ADAMTS12: variants seen among roughly 807,000 people sequenced by gnomAD.
The protein encoded by ADAMTS12 is A disintegrin and metalloproteinase with thrombospondin motifs 12.
A neutral mutation model predicts 167.8 loss-of-function variants in ADAMTS12; 118 were observed. The observed-to-expected ratio is 0.70, with a 90% confidence interval of 0.61 to 0.82. The LOEUF (loss-of-function observed/expected upper bound fraction) is 0.82. Ranked by LOEUF, ADAMTS12 falls within the 40% of genes least tolerant of loss-of-function variation. The probability of loss-of-function intolerance (pLI) is 0.00; values close to 1 mark genes in which losing one functional copy is unlikely to be tolerated. For missense variants in ADAMTS12, 1,916 were observed against 1,998.8 expected (o/e 0.96, Z 0.79); for synonymous variants, 704 against 716.9 (o/e 0.98, Z 0.29).
chr5:33,767,641 T>C (rs971580158), intron 2 of ADAMTS12, among the ~76,000 whole-genome samples: 8 of 152,170 alleles, frequency 5.3e-5, no homozygotes, highest in African/African-American at 1.9e-4. Flanking sequence ...TTGGGAAGCA[T>C]GATTTTAATT....
intron 2 of ADAMTS12, among the ~76,000 whole-genome samples, chr5:33,797,471 A>G (rs1239683606): frequency 7.7e-6 from 1 of 129,700 alleles, no homozygotes; most frequent in Admixed American, 7.4e-5. Flanking sequence ...AATCTGAAAC[A>G]CAGGAGAAAG....
At chr5:33,527,454 A>G in intron 23 of ADAMTS12, 88 bp from the exon 24 acceptor site, 1 of 1,292,432 alleles carries the variant, frequency 7.7e-7, no homozygotes. Context: ...GTAAGACTTT[A>G]TATGTCTACC....
rs575609933 is a variant in ADAMTS12 at position 33,869,236 on chromosome 5, T to C, written c.489+11883A>G. Among the ~76,000 whole-genome samples the C allele has an allele frequency of 3.9e-5, 6 of 152,254 alleles. No homozygotes were observed. In the South Asian group the frequency reaches 1.0e-3, roughly 26 times the overall value. Reference sequence around the variant, plus strand: ...CATGGCTAAAAGGGTCCCAGACATATGTCAGGCCACTGCTCCAGAGGATGC... The same window carrying C: ...CATGGCTAAAAGGGTCCCAGACATACGTCAGGCCACTGCTCCAGAGGATGC... On this transcript the variant is annotated intron_variant, in intron 2 of 23. Coordinates refer to ENST00000504830, the MANE Select transcript of ADAMTS12 (RefSeq NM_030955.4).
rs143692550 is a variant in ADAMTS12 at position 33,631,108 on chromosome 5, T to TA, written c.1889-196_1889-195insT. ...CCAGGTGCTGAATCCAAGGATTATT[T>TA]TTCCTTTTTCAAAACAAGTTTCATA... On this transcript the variant is annotated intron_variant, in intron 12 of 23. Coordinates refer to ENST00000504830, the MANE Select transcript of ADAMTS12 (RefSeq NM_030955.4). Among the ~76,000 whole-genome samples, 479 of 152,284 alleles carry TA rather than the reference T, an allele frequency of 3.1e-3. 11 individuals carry two copies. In the East Asian group the frequency reaches 0.069, roughly 22 times the overall value.
chr5:33,657,714 G>A (rs1031686244), intron 7 of ADAMTS12, among the ~76,000 whole-genome samples: 4 of 152,066 alleles, frequency 2.6e-5, no homozygotes, highest in Admixed American at 6.6e-5. Flanking sequence ...TAAGTAAAAC[G>A]GGACTAACAG....
At chr5:33,570,496 A>C (rs396559) in intron 19 of ADAMTS12, among the ~76,000 whole-genome samples, 26,290 of 152,030 alleles carry the variant, frequency 0.17, 4,695 homozygotes, top group African/African-American at 0.43. Flanking sequence ...CAGCCAAACT[A>C]AGCTTCATAA....
At position 33,658,283 on chromosome 5, in the gene ADAMTS12, G is replaced by A. The variant is rs780970297; in HGVS notation, c.1091C>T (p.Ser364Phe). 6.2e-7 allele frequency: 1 copy of A among 1,613,708 alleles called. No homozygotes were observed. Among genetic ancestry groups the A allele is most frequent in the Non-Finnish European group, 8.5e-7 (1 of 1,179,704 alleles). Residue 364 changes from serine (S) to phenylalanine (F), a missense_variant, in exon 7 of 24, where the codon TCT (serine) becomes TTT (phenylalanine). By Grantham distance (155) the Ser-to-Phe change is radical. Transcript: ENST00000504830. ...FNRPCETLGL[S>F]HLSGMCQPHR... ...AGGCTGACACATTCCTGAAAGGTGA[G>A]ACAGGCCCAGGGTCTCGCAGGGGCG...
intron 20 of ADAMTS12, among the ~76,000 whole-genome samples, chr5:33,554,609 T>C (rs1470884316): frequency 1.3e-5 from 2 of 152,238 alleles, no homozygotes; most frequent in Non-Finnish European, 2.9e-5. Context: ...TCCTATAACA[T>C]ACAATTCTAG....
At chr5:33,826,645 T>C (rs1352879220) in intron 2 of ADAMTS12, among the ~76,000 whole-genome samples, 1 of 151,928 alleles carries the variant, frequency 6.6e-6, no homozygotes, top group Non-Finnish European at 1.5e-5. Flanking sequence ...GAAATATTCT[T>C]GATGAAAATG....
intron 22 of ADAMTS12, among the ~76,000 whole-genome samples, chr5:33,537,879 CGT>C (rs768732517): frequency 6.6e-6 from 1 of 152,186 alleles, no homozygotes; most frequent in African/African-American, 2.4e-5. Context: ...ACTGCATTCC[CGT>C]GTGTGTTATA....
chr5:33,552,660 T>C (rs916146420), intron 20 of ADAMTS12, among the ~76,000 whole-genome samples: 7 of 152,320 alleles, frequency 4.6e-5, no homozygotes, highest in Middle Eastern at 6.8e-3. Context: ...CTTAAAATAA[T>C]TCGAAGATCA....
chr5:33,881,739 T>G (rs923255917), intron 1 of ADAMTS12, among the ~76,000 whole-genome samples: 9 of 150,682 alleles, frequency 6.0e-5, no homozygotes, highest in African/African-American at 1.7e-4. Flanking sequence ...ATTTTGTTTT[T>G]TTTTTTTTTT....
chr5:33,714,425 A>G (rs1450899423), intron 3 of ADAMTS12, among the ~76,000 whole-genome samples: 3 of 152,286 alleles, frequency 2.0e-5, no homozygotes, highest in Non-Finnish European at 2.9e-5. Flanking sequence ...GAACTACCGT[A>G]TGATCCAGCA....
rs764347428 is a variant in ADAMTS12 at position 33,576,403 on chromosome 5, G to A, written c.3623C>T (p.Ser1208Phe). 1 of 1,613,950 alleles carries A rather than the reference G, an allele frequency of 6.2e-7. No individual in the cohort carries two copies. Among genetic ancestry groups the A allele is most frequent in the Non-Finnish European group, 8.5e-7 (1 of 1,179,906 alleles). ...TACTGTGCTGAAGGGTGGCCACCAGGACTCCCTGCTGAGATCTGGTGTTAG... is the reference window on the plus strand; with the variant it reads ...TACTGTGCTGAAGGGTGGCCACCAGAACTCCCTGCTGAGATCTGGTGTTAG... ...PPLTPDLSRESWWPPFSTVME... is the reference protein window; with the variant it reads ...PPLTPDLSREFWWPPFSTVME... Residue 1208 changes from serine (S) to phenylalanine (F), a missense_variant, in exon 19 of 24, where the codon TCC becomes TTC. Coordinates refer to ENST00000504830, the MANE Select transcript of ADAMTS12 (RefSeq NM_030955.4).
chr5:33,731,299 T>G (rs983372179), intron 3 of ADAMTS12, among the ~76,000 whole-genome samples: 3 of 151,708 alleles, frequency 2.0e-5, no homozygotes, highest in Non-Finnish European at 4.4e-5. Context: ...GATTCTCATG[T>G]CTCAGCCTTC....
chr5:33,614,650 C>T (rs1285795341), intron 15 of ADAMTS12, among the ~76,000 whole-genome samples: 1 of 152,144 alleles, frequency 6.6e-6, no homozygotes, highest in African/African-American at 2.4e-5. Context: ...TTTCAGTTCA[C>T]ATAAATGAGG....
chr5:33,570,858 C>A (rs951367686), intron 19 of ADAMTS12, among the ~76,000 whole-genome samples: 1 of 150,478 alleles, frequency 6.6e-6, no homozygotes, highest in Non-Finnish European at 1.5e-5. Flanking sequence ...ACCCATCTCA[C>A]GTGCAGAGAC....
At chr5:33,541,144 C>T (rs1579639151) in intron 22 of ADAMTS12, among the ~76,000 whole-genome samples, 1 of 152,274 alleles carries the variant, frequency 6.6e-6, no homozygotes, top group East Asian at 1.9e-4. Flanking sequence ...CCTTAAATGA[C>T]CTGATGGAGC....
chr5:33,579,861 T>C (rs1041890963), intron 18 of ADAMTS12, among the ~76,000 whole-genome samples: 11 of 152,220 alleles, frequency 7.2e-5, no homozygotes, highest in Non-Finnish European at 1.6e-4. Flanking sequence ...ATAATAATAG[T>C]GATCATAACA....
Sources: allele counts gnomAD v4.1 joint callset (sites outside exome capture counted in the v4.1 genomes callset), GRCh38; gene constraint gnomAD v4.1.1; transcripts MANE v1.5; gene names NCBI Gene and HGNC (gene_info 2026-07-23, HGNC 2026-07-21).